The following M1AP variants were observed in gnomAD, a reference collection of about 807,000 sequenced individuals.
The protein encoded by M1AP is meiosis 1 arrest protein.
In M1AP, 39 loss-of-function variants were observed where a neutral mutation model predicts 51.2. That is an observed-to-expected ratio of 0.76 (90% CI 0.59 to 1.00). M1AP has a LOEUF of 1.00. Among genes scored for constraint, M1AP ranks in the 50% least tolerant of loss-of-function variants. M1AP has a pLI of 0.00. For synonymous variants in M1AP, 251 were observed against 249.2 expected (o/e 1.01, Z -0.07); for missense variants, 545 against 641.2 (o/e 0.85, Z 1.62).
intron 2 of M1AP, among the ~76,000 whole-genome samples, chr2:74,638,491 A>G (rs890355396): frequency 6.6e-6 from 1 of 152,180 alleles, no homozygotes; most frequent in African/African-American, 2.4e-5. Context: ...ACTTGCTTCC[A>G]ATGAACAGAA....
At chr2:74,601,908 C>G (rs1244980629) in intron 4 of M1AP, among the ~76,000 whole-genome samples, 1 of 152,096 alleles carries the variant, frequency 6.6e-6, no homozygotes, top group Non-Finnish European at 1.5e-5. Context: ...CAGAACTGTA[C>G]TAAAGTAGGC....
intron 1 of M1AP, among the ~76,000 whole-genome samples, chr2:74,643,780 G>C (rs963246902): frequency 2.0e-5 from 3 of 151,868 alleles, no homozygotes; most frequent in East Asian, 3.9e-4. Context: ...TTTTTTGGTA[G>C]AGACAGGGTT....
At chr2:74,616,826 G>A (rs947408263) in intron 2 of M1AP, among the ~76,000 whole-genome samples, 2 of 152,092 alleles carry the variant, frequency 1.3e-5, no homozygotes, top group African/African-American at 4.8e-5. Context: ...CCTCTTAATG[G>A]CATGGACAAG....
intron 4 of M1AP, among the ~76,000 whole-genome samples, chr2:74,588,441 C>G (rs1311617774): frequency 6.6e-6 from 1 of 152,172 alleles, no homozygotes; most frequent in East Asian, 1.9e-4. Flanking sequence ...ATGTTAACAA[C>G]CAGGGTAAGT....
Position 74,610,152 on chromosome 2 carries a change from C to T in M1AP, c.427-2929G>A, listed in dbSNP as rs189102949. 3.3e-5 allele frequency among the ~76,000 whole-genome samples: 5 copies of T among 151,948 alleles called. No homozygotes were observed. In the East Asian group the frequency reaches 9.7e-4, roughly 29 times the overall value. The stretch of plus-strand genomic sequence containing the variant: ...ATGTAGCTGAAACCACAGATGCATG[C>T]CACCATGCCTGGCTTATTTTTGTAT... On this transcript the variant is annotated intron_variant, in intron 3 of 10. Transcript: ENST00000421985.
chr2:74,621,774 C>T (rs2104767675), intron 2 of M1AP, among the ~76,000 whole-genome samples: 1 of 151,496 alleles, frequency 6.6e-6, no homozygotes, highest in Non-Finnish European at 1.5e-5. Flanking sequence ...GCCTGGGAAA[C>T]AGAGCGAGAC....
intron 4 of M1AP, among the ~76,000 whole-genome samples, chr2:74,599,170 T>C (rs994631995): frequency 2.0e-5 from 3 of 152,020 alleles, no homozygotes; most frequent in Non-Finnish European, 4.4e-5. Context: ...TCCCAGCTAG[T>C]TGGGAGGCTG....
chr2:74,630,335 T>G (rs556843980), intron 2 of M1AP, among the ~76,000 whole-genome samples: 41 of 152,332 alleles, frequency 2.7e-4, no homozygotes, highest in African/African-American at 9.4e-4. Flanking sequence ...AAAATTTTTA[T>G]TTTATTTTAG....
chr2:74,571,119 G>C (rs1030479584), intron 7 of M1AP, among the ~76,000 whole-genome samples: 13 of 152,156 alleles, frequency 8.5e-5, no homozygotes, highest in Admixed American at 3.3e-4. Flanking sequence ...CAATGTGCAG[G>C]GAAAACCAGA....
Position 74,604,751 on chromosome 2 carries a change from C to T in M1AP, c.595+2304G>A, listed in dbSNP as rs538213721. Among the ~76,000 whole-genome samples, 13 of 152,184 alleles carry T rather than the reference C, an allele frequency of 8.5e-5. No individual in the cohort carries two copies. In the East Asian group the frequency reaches 2.3e-3, roughly 27 times the overall value. On this transcript the variant is annotated intron_variant, in intron 4 of 10. Transcript: ENST00000421985. ...GGTAACTTAGATTTACTTATTTGTG[C>T]TTATTTGCATTTTTAATTTGTTTGT...
chr2:74,614,485 A>T (rs1681549612), intron 3 of M1AP, among the ~76,000 whole-genome samples: 1 of 152,084 alleles, frequency 6.6e-6, no homozygotes, highest in Non-Finnish European at 1.5e-5. Context: ...CCATGCCCTT[A>T]TTTATATTTT....
At chr2:74,618,931 C>A in intron 2 of M1AP, 1 of 534,240 alleles carries the variant, frequency 1.9e-6, no homozygotes, top group Non-Finnish European at 3.8e-6. Context: ...GGAAAAGCGT[C>A]ATTTCCTCTG....
intron 4 of M1AP, among the ~76,000 whole-genome samples, chr2:74,599,664 C>A (rs955557318): frequency 2.0e-5 from 3 of 151,894 alleles, no homozygotes; most frequent in Admixed American, 2.0e-4. Flanking sequence ...CTTTATAAAC[C>A]ATCTAAACAT....
At chr2:74,585,798 T>A (rs1679673802) in intron 4 of M1AP, among the ~76,000 whole-genome samples, 1 of 152,232 alleles carries the variant, frequency 6.6e-6, no homozygotes. Context: ...ATTTTCTTTG[T>A]CATTCTAGGA....
At chr2:74,634,858 T>A (rs1573186699) in intron 2 of M1AP, among the ~76,000 whole-genome samples, 3 of 152,318 alleles carry the variant, frequency 2.0e-5, no homozygotes, top group East Asian at 3.9e-4. Context: ...GGTTATGTTG[T>A]ATAATTCTTT....
rs551832175 is a variant in M1AP at position 74,570,018 on chromosome 2, C to T, written c.1074+5420G>A. The stretch of plus-strand genomic sequence containing the variant: ...GAGAAATGTCATTATGGGTTATGAA[C>T]TAGATCCTTTTTGGTGTCCTTTGAA... On this transcript the variant is annotated intron_variant, in intron 7 of 10. Coordinates refer to ENST00000421985, the MANE Select transcript of M1AP (RefSeq NM_001321739.2). 2.0e-5 allele frequency among the ~76,000 whole-genome samples: 3 copies of T among 152,032 alleles called. No homozygotes were observed. In the South Asian group the frequency reaches 6.2e-4, roughly 32 times the overall value.
At chr2:74,579,539 G>T (rs1051924296) in intron 5 of M1AP, among the ~76,000 whole-genome samples, 1 of 152,178 alleles carries the variant, frequency 6.6e-6, no homozygotes, top group African/African-American at 2.4e-5. Flanking sequence ...CTGGGAAAGT[G>T]TGCTTAATTT....
chr2:74,648,284 G>T lies in M1AP; in HGVS notation c.-72C>A. The T allele has an allele frequency of 1.0e-6, 1 of 985,356 alleles. No homozygotes were observed. The highest frequency in any genetic ancestry group is 1.2e-6 in the Non-Finnish European group (1 of 829,846). 61.0% of individuals were successfully genotyped at this position (985,356 alleles called of 1,614,324 possible). On this transcript the variant is annotated 5_prime_UTR_variant, in exon 1 of 11. Coordinates refer to ENST00000421985, the MANE Select transcript of M1AP (RefSeq NM_001321739.2). ...CCGTACCTGTCTTCGGAAGACGGAG[G>T]CCCCCTCACCTGGTCCTCCCGGCTC...
At chr2:74,636,982 T>G (rs1022698773) in intron 2 of M1AP, among the ~76,000 whole-genome samples, 1 of 152,188 alleles carries the variant, frequency 6.6e-6, no homozygotes, top group Non-Finnish European at 1.5e-5. Context: ...ATTTGTGGGT[T>G]TGGAGTATTT....
Sources: allele counts gnomAD v4.1 joint callset (sites outside exome capture counted in the v4.1 genomes callset), GRCh38; gene constraint gnomAD v4.1.1; transcripts MANE v1.5; gene names NCBI Gene and HGNC (gene_info 2026-07-23, HGNC 2026-07-21).